The following POU2F1 variants were observed in gnomAD, a reference collection of about 807,000 sequenced individuals.
The protein encoded by POU2F1 is POU class 2 homeobox 1, also known as POU domain, class 2, transcription factor 1.
Under a neutral mutation model 84.9 loss-of-function variants are expected in POU2F1, and 16 were observed. The ratio of observed to expected loss-of-function variants is 0.19; its 90% confidence interval spans 0.13 to 0.29. The LOEUF is 0.29. Ranked by LOEUF, POU2F1 falls within the 10% of genes least tolerant of loss-of-function variation. The probability of loss-of-function intolerance (pLI) is 1.00; values close to 1 mark genes in which losing one functional copy is unlikely to be tolerated. For synonymous variants in POU2F1, 368 were observed against 368.3 expected (o/e 1.00, Z 0.01); for missense variants, 738 against 942.6 (o/e 0.78, Z 2.84).
Position 167,321,740 on chromosome 1 carries a change from C to G in POU2F1, c.62-10730C>G, listed in dbSNP as rs1391554510. On this transcript the variant is annotated intron_variant, in intron 1 of 15. Coordinates refer to ENST00000367866, the MANE Select transcript of POU2F1 (RefSeq NM_002697.4). ...TCAAAAATGATACCCTAAACCTTGGCAGGAACTTTGTCTTTCTACTTGAAG... is the reference window on the plus strand; with the variant it reads ...TCAAAAATGATACCCTAAACCTTGGGAGGAACTTTGTCTTTCTACTTGAAG... Among the ~76,000 whole-genome samples the G allele has an allele frequency of 2.0e-5, 3 of 152,154 alleles. No homozygotes were observed. In the East Asian group the frequency reaches 5.8e-4, roughly 29 times the overall value.
chr1:167,386,198 G>C (rs2091248), intron 8 of POU2F1, among the ~76,000 whole-genome samples: 62,582 of 151,940 alleles, frequency 0.41, 15,715 homozygotes, highest in East Asian at 0.73. Context: ...TTTCTTTTTG[G>C]GGGGGTGAGG....
intron 9 of POU2F1, among the ~76,000 whole-genome samples, chr1:167,391,517 G>A (rs1278519939): frequency 1.3e-5 from 2 of 148,826 alleles, no homozygotes; most frequent in Non-Finnish European, 3.0e-5. Flanking sequence ...AATGTACTAT[G>A]GGTGTTTTTA....
intron 3 of POU2F1, among the ~76,000 whole-genome samples, chr1:167,367,400 T>C (rs1043262990): frequency 6.6e-6 from 1 of 152,188 alleles, no homozygotes; most frequent in Non-Finnish European, 1.5e-5. Context: ...AGGTGTTCAG[T>C]AATTATTTGT....
At chr1:167,364,689 C>T (rs372604155) in intron 2 of POU2F1, among the ~76,000 whole-genome samples, 135 of 150,994 alleles carry the variant, frequency 8.9e-4, no homozygotes, top group African/African-American at 3.2e-3. Context: ...GCCATTCTCC[C>T]TCAGCCTCTG....
intron 1 of POU2F1, among the ~76,000 whole-genome samples, chr1:167,224,404 T>C (rs540922198): frequency 1.3e-5 from 2 of 152,344 alleles, no homozygotes; most frequent in South Asian, 4.1e-4. Context: ...ATGATAATGT[T>C]GAAAATAAGG....
chr1:167,386,533 G>C (rs1353782332), intron 8 of POU2F1, among the ~76,000 whole-genome samples: 1 of 152,194 alleles, frequency 6.6e-6, no homozygotes, highest in East Asian at 1.9e-4. Flanking sequence ...TGACCCAGCA[G>C]TTCTGTCCCT....
At chr1:167,372,066 AC>A (rs746089064) in intron 5 of POU2F1, 30 bp downstream of exon 5, 2 of 1,594,902 alleles carry the variant, frequency 1.3e-6, no homozygotes, top group Admixed American at 3.5e-5. Flanking sequence ...ATTATAACAA[AC>A]TTTTTCTGTG....
chr1:167,263,944 T>C lies in POU2F1; in HGVS notation c.61+42986T>C, dbSNP rs1651760067. 2.6e-5 allele frequency among the ~76,000 whole-genome samples: 4 copies of C among 152,178 alleles called. No homozygotes were observed. In the South Asian group the frequency reaches 8.3e-4, roughly 32 times the overall value. On this transcript the variant is annotated intron_variant, in intron 1 of 15. Coordinates refer to ENST00000367866, the MANE Select transcript of POU2F1 (RefSeq NM_002697.4). ...GGGATGAAAGCTCTTCTATTACTTG[T>C]TATTTTTTGTAATTGCTATGTGCCA...
chr1:167,333,136 T>A (rs981830976), intron 2 of POU2F1, among the ~76,000 whole-genome samples: 2 of 152,136 alleles, frequency 1.3e-5, no homozygotes, highest in African/African-American at 4.8e-5. Flanking sequence ...TTTAAAAAAA[T>A]TATACTTCAT....
At chr1:167,252,925 C>T (rs1031536813) in intron 1 of POU2F1, among the ~76,000 whole-genome samples, 2 of 152,152 alleles carry the variant, frequency 1.3e-5, no homozygotes, top group Admixed American at 6.5e-5. Flanking sequence ...CTGTGCTGAC[C>T]GCCATTTTGC....
chr1:167,336,409 A>G lies in POU2F1; in HGVS notation c.127+3874A>G, dbSNP rs573496679. ...TATTGCAGTAAAAAGTGATCTCTCT[A>G]TGTCCTTGAGTATTTTGCATCCTGT... On this transcript the variant is annotated intron_variant, in intron 2 of 15. Transcript: ENST00000367866. 2.6e-5 allele frequency among the ~76,000 whole-genome samples: 4 copies of G among 152,302 alleles called. No homozygotes were observed. In the East Asian group the frequency reaches 7.7e-4, roughly 29 times the overall value.
intron 9 of POU2F1, among the ~76,000 whole-genome samples, chr1:167,390,426 A>C (rs749821438): frequency 2.6e-5 from 4 of 152,204 alleles, no homozygotes; most frequent in Non-Finnish European, 5.9e-5. Flanking sequence ...TAAGATTGAG[A>C]GAGTAAAGAT....
At chr1:167,338,664 G>A (rs1013454350) in intron 2 of POU2F1, among the ~76,000 whole-genome samples, 18 of 152,172 alleles carry the variant, frequency 1.2e-4, no homozygotes, top group Admixed American at 1.2e-3. Context: ...TGGAAAGATG[G>A]TATTTCCCCA....
At chr1:167,310,744 A>G (rs1655411306) in intron 1 of POU2F1, among the ~76,000 whole-genome samples, 1 of 152,192 alleles carries the variant, frequency 6.6e-6, no homozygotes, top group Non-Finnish European at 1.5e-5. Flanking sequence ...GTAATTATGG[A>G]CACACTTGAA....
At chr1:167,300,192 T>G (rs1654582665) in intron 1 of POU2F1, among the ~76,000 whole-genome samples, 1 of 152,140 alleles carries the variant, frequency 6.6e-6, no homozygotes, top group Non-Finnish European at 1.5e-5. Flanking sequence ...TTTTCTCACT[T>G]GTAAGTGGGA....
In POU2F1 at chr1:167,412,148, C is replaced by T. The variant is rs1650013878; in HGVS notation, c.1745C>T (p.Thr582Ile). ...TSTPLSSPLG[T>I]SQVMVTASGL... ...ACTCCTTTGTCCTCCCCTCTTGGGACCAGCCAGGTGATGGTGACAGCATCA... is the reference window on the plus strand; with the variant it reads ...ACTCCTTTGTCCTCCCCTCTTGGGATCAGCCAGGTGATGGTGACAGCATCA... The change falls in exon 14 of 16, where the codon ACC becomes ATC. Residue 582 changes from threonine (T) to isoleucine (I), a missense_variant. Physicochemically the swap from Thr to Ile is moderately conservative, Grantham distance 89. Coordinates refer to ENST00000367866, the MANE Select transcript of POU2F1 (RefSeq NM_002697.4). The T allele has an allele frequency of 2.5e-6, 4 of 1,614,226 alleles. No individual in the cohort carries two copies. The highest frequency in any genetic ancestry group is 3.4e-6 in the Non-Finnish European group (4 of 1,180,036).
chr1:167,352,858 A>G (rs1033357174), intron 2 of POU2F1, among the ~76,000 whole-genome samples: 3 of 152,148 alleles, frequency 2.0e-5, no homozygotes, highest in Admixed American at 1.3e-4. Flanking sequence ...GGAAGTACCA[A>G]ATGTGTTTTC....
intron 1 of POU2F1, among the ~76,000 whole-genome samples, chr1:167,255,805 A>G (rs546119530): frequency 1.3e-5 from 2 of 152,296 alleles, no homozygotes; most frequent in Admixed American, 1.3e-4. Context: ...ACCTATATGA[A>G]GAATATGGTT....
chr1:167,407,758 A>G (rs776885518), intron 13 of POU2F1, among the ~76,000 whole-genome samples: 1 of 152,232 alleles, frequency 6.6e-6, no homozygotes, highest in Admixed American at 6.5e-5. Flanking sequence ...ATTAACTGAA[A>G]TGGATCAAAG....
Sources: allele counts gnomAD v4.1 joint callset (sites outside exome capture counted in the v4.1 genomes callset), GRCh38; gene constraint gnomAD v4.1.1; transcripts MANE v1.5; gene names NCBI Gene and HGNC (gene_info 2026-07-23, HGNC 2026-07-21).